The following SLC16A7 variants were observed in gnomAD, a reference collection of about 807,000 sequenced individuals.
The protein encoded by SLC16A7 is monocarboxylate transporter 2.
A neutral mutation model predicts 34.9 loss-of-function variants in SLC16A7; 33 were observed. The ratio of observed to expected loss-of-function variants is 0.94; its 90% CI spans 0.72 to 1.26. The LOEUF (loss-of-function observed/expected upper bound fraction) is 1.26. Among genes scored for constraint, SLC16A7 ranks in the 50% most tolerant of loss-of-function variants. The pLI is 0.00. For synonymous variants in SLC16A7, 201 were observed against 206.6 expected (o/e 0.97, Z 0.23); for missense variants, 573 against 578.1 (o/e 0.99, Z 0.09).
intron 3 of SLC16A7, among the ~76,000 whole-genome samples, chr12:59,741,096 T>C (rs1192149488): frequency 6.6e-6 from 1 of 152,110 alleles, no homozygotes; most frequent in Admixed American, 6.5e-5. Flanking sequence ...TCCATGCTCA[T>C]GGTTAGGAAG....
chr12:59,618,939 T>C (rs565688764), intron 1 of SLC16A7, among the ~76,000 whole-genome samples: 5 of 152,044 alleles, frequency 3.3e-5, no homozygotes, highest in Non-Finnish European at 7.4e-5. Context: ...CTGATATAAT[T>C]TTGTGATTTT....
At chr12:59,605,045 G>T (rs1030509722) in intron 1 of SLC16A7, among the ~76,000 whole-genome samples, 2 of 152,086 alleles carry the variant, frequency 1.3e-5, no homozygotes, top group African/African-American at 4.8e-5. Context: ...TAGAGATGGG[G>T]TTTCACCATG....
intron 3 of SLC16A7, among the ~76,000 whole-genome samples, chr12:59,708,835 G>A (rs941228980): frequency 4.6e-5 from 7 of 151,490 alleles, no homozygotes; most frequent in East Asian, 1.9e-4. Context: ...TGAAAGGTTC[G>A]CAGGAAGGAT....
At chr12:59,737,624 T>G (rs1179294458) in intron 3 of SLC16A7, among the ~76,000 whole-genome samples, 1 of 152,204 alleles carries the variant, frequency 6.6e-6, no homozygotes, top group Non-Finnish European at 1.5e-5. Flanking sequence ...GATTTTCTAA[T>G]GTTTAATACC....
intron 3 of SLC16A7, among the ~76,000 whole-genome samples, chr12:59,746,785 C>G (rs1251703248): frequency 6.6e-6 from 1 of 152,044 alleles, no homozygotes; most frequent in African/African-American, 2.4e-5. Flanking sequence ...TGATCCCTAC[C>G]CCCTCAAAGT....
chr12:59,734,564 G>A (rs1352115467), intron 3 of SLC16A7, among the ~76,000 whole-genome samples: 1 of 152,184 alleles, frequency 6.6e-6, no homozygotes, highest in Non-Finnish European at 1.5e-5. Flanking sequence ...CCTTTAACTT[G>A]GTAGGGGGCA....
chr12:59,750,139 C>G (rs895812694), intron 3 of SLC16A7, among the ~76,000 whole-genome samples: 2 of 152,146 alleles, frequency 1.3e-5, no homozygotes, highest in African/African-American at 4.8e-5. Context: ...CAGTACCATT[C>G]AAGACATAGG....
At chr12:59,746,041 G>A (rs12232002) in intron 3 of SLC16A7, among the ~76,000 whole-genome samples, 33,156 of 151,994 alleles carry the variant, frequency 0.22, 3,726 homozygotes, top group East Asian at 0.31. Context: ...AGTCAATTAC[G>A]GGTTTTAAAA....
At chr12:59,604,382 T>G (rs532765409) in intron 1 of SLC16A7, among the ~76,000 whole-genome samples, 2 of 152,358 alleles carry the variant, frequency 1.3e-5, no homozygotes, top group South Asian at 4.1e-4. Flanking sequence ...AAAGCTCACT[T>G]TAACTTTTGA....
Position 59,601,036 on chromosome 12 carries a change from A to C in SLC16A7, c.-130+4800A>C, listed in dbSNP as rs184595745. Among the ~76,000 whole-genome samples, 110 of 152,354 alleles carry C rather than the reference A, an allele frequency of 7.2e-4. 6 individuals are homozygous for C. In the South Asian group the frequency reaches 7.9e-3, roughly 11 times the overall value. ...TAGAGCCTGGTGATTAGTTTTATGT[A>C]ATAGTTGGCATTAAAATAGCAACTT... is the stretch of plus-strand genomic sequence containing the variant. On this transcript the variant is annotated intron_variant, in intron 1 of 5. Coordinates refer to ENST00000547379, the MANE Select transcript of SLC16A7 (RefSeq NM_001270623.2).
At chr12:59,735,712 T>C (rs2706307) in intron 3 of SLC16A7, among the ~76,000 whole-genome samples, 18,653 of 152,218 alleles carry the variant, frequency 0.12, 1,492 homozygotes, top group African/African-American at 0.22. Context: ...CTGCTGCTTT[T>C]GCATTATATT....
intron 3 of SLC16A7, among the ~76,000 whole-genome samples, chr12:59,709,585 A>T (rs1441465713): frequency 6.6e-6 from 1 of 151,656 alleles, no homozygotes; most frequent in Non-Finnish European, 1.5e-5. Flanking sequence ...TAGCAGCAAT[A>T]AAAAAAGAAA....
intron 2 of SLC16A7, among the ~76,000 whole-genome samples, chr12:59,657,181 T>C: frequency 6.6e-6 from 1 of 152,126 alleles, no homozygotes; most frequent in East Asian, 1.9e-4. Context: ...TCCAAAACTT[T>C]GGGATGAGCG....
Position 59,779,712 on chromosome 12 carries a change from A to C in SLC16A7, c.*33A>C. The C allele has an allele frequency of 6.5e-7, 1 of 1,548,846 alleles. No homozygotes were observed. On this transcript the variant is annotated 3_prime_UTR_variant, in exon 6 of 6. Transcript: ENST00000547379. ...CACATCTCTGATTTCAGTGTTTATG[A>C]CTTTATCTAGGAGTTTGTTTTTCAT...
chr12:59,633,346 A>G (rs530333477), intron 1 of SLC16A7, among the ~76,000 whole-genome samples: 1 of 152,168 alleles, frequency 6.6e-6, no homozygotes, highest in African/African-American at 2.4e-5. Context: ...CTAATGGACT[A>G]CTAATCATAT....
intron 3 of SLC16A7, among the ~76,000 whole-genome samples, chr12:59,759,179 A>C (rs1880738365): frequency 1.3e-5 from 2 of 152,048 alleles, no homozygotes; most frequent in African/African-American, 4.8e-5. Flanking sequence ...CATATATTTT[A>C]TAGTATTTAG....
intron 1 of SLC16A7, among the ~76,000 whole-genome samples, chr12:59,607,985 A>G (rs1287742478): frequency 6.6e-6 from 1 of 152,218 alleles, no homozygotes; most frequent in Non-Finnish European, 1.5e-5. Flanking sequence ...ATAAAAGTGA[A>G]CATCCCAATT....
intron 2 of SLC16A7, among the ~76,000 whole-genome samples, chr12:59,680,518 C>T (rs550522098): frequency 2.6e-4 from 40 of 152,196 alleles, no homozygotes; most frequent in African/African-American, 9.4e-4. Flanking sequence ...AATTTCTCCA[C>T]CTCTTACATT....
rs1883170332 is a variant in SLC16A7 at position 59,780,534 on chromosome 12, A to T, written c.*855A>T. Reference sequence around the variant, plus strand: ...ATAATTTTTAGAATTCTTACCTAATATGTAAAAGTCTGCATGACTCTTAAC... The same window carrying T: ...ATAATTTTTAGAATTCTTACCTAATTTGTAAAAGTCTGCATGACTCTTAAC... On this transcript the variant is annotated 3_prime_UTR_variant, in exon 6 of 6. Coordinates refer to ENST00000547379, the MANE Select transcript of SLC16A7 (RefSeq NM_001270623.2). 1 of 152,104 alleles carries T rather than the reference A, an allele frequency of 6.6e-6. No homozygotes were observed. Among genetic ancestry groups the T allele is most frequent in the Non-Finnish European group, 1.5e-5 (1 of 67,988 alleles). 9.4% of individuals were successfully genotyped at this position (152,104 alleles called of 1,614,324 possible). A position where few individuals can be genotyped will look rare whatever the true frequency, so the allele number is the denominator to read the frequency against.
Sources: allele counts gnomAD v4.1 joint callset (sites outside exome capture counted in the v4.1 genomes callset), GRCh38; gene constraint gnomAD v4.1.1; transcripts MANE v1.5; gene names NCBI Gene and HGNC (gene_info 2026-07-23, HGNC 2026-07-21).